The following C6orf62 variants were observed in gnomAD, a reference collection of about 807,000 sequenced individuals.
C6orf62 encodes the protein uncharacterized protein C6orf62.
In C6orf62, 16 loss-of-function variants were observed where a neutral mutation model predicts 26.8. That is an observed-to-expected ratio of 0.60 (90% CI 0.40 to 0.91). The LOEUF (loss-of-function observed/expected upper bound fraction) is 0.91. C6orf62 is among the 40% of genes least tolerant of loss of function. The pLI is 0.00. For synonymous variants in C6orf62, 112 were observed against 91.5 expected, an observed-to-expected ratio of 1.22 and a Z score of -1.28; for missense variants, 192 against 271.4, an observed-to-expected ratio of 0.71 and a Z score of 2.06.
At chr6:24,720,470 A>AG (rs1779334245), upstream of C6orf62, 1 of 954,504 alleles carries the variant, frequency 1.0e-6, no homozygotes, top group African/African-American at 1.7e-5. Context: ...GCGGCAACGG[A>AG]GGGGAAGGAC....
At chr6:24,720,282 A>AAGAGGCGGCGGCGGC (rs1779329646), upstream of C6orf62, 1 of 1,300,060 alleles carries the variant, frequency 7.7e-7, no homozygotes, top group Non-Finnish European at 9.7e-7. Context: ...GCGGCGGCGG[A>AAGAGGCGGCGGCGGC]AGAGGCGGCG....
At chr6:24,709,181 CTT>C (rs1779072333) in intron 3 of C6orf62, 2 of 978,876 alleles carry the variant, frequency 2.0e-6, no homozygotes, top group Non-Finnish European at 2.4e-6. Flanking sequence ...AGAACAATCT[CTT>C]GAGATACAGA....
chr6:24,718,423 A>C, intron 1 of C6orf62, 117 bp downstream of exon 1: 1 of 1,050,328 alleles, frequency 9.5e-7, no homozygotes, highest in Non-Finnish European at 1.4e-6. Flanking sequence ...GAGCATACAA[A>C]GCAGACTTTT....
intron 1 of C6orf62, 70 bp downstream of exon 1, chr6:24,718,467 ATTT>A: frequency 7.2e-7 from 1 of 1,394,740 alleles, no homozygotes; most frequent in Non-Finnish European, 9.9e-7. Flanking sequence ...ATTCATAATA[ATTT>A]AAGAGTAACA....
At chr6:24,709,560 T>G (rs1202456258) in intron 3 of C6orf62, 1 of 984,868 alleles carries the variant, frequency 1.0e-6, no homozygotes, top group Non-Finnish European at 1.2e-6. Context: ...GAGGGTTAAA[T>G]GAAATGTAAA....
At chr6:24,719,396 G>A (rs1175218073), upstream of C6orf62, 6 of 1,023,810 alleles carry the variant, frequency 5.9e-6, no homozygotes, top group Non-Finnish European at 7.0e-6. Flanking sequence ...AAAGGGAGAG[G>A]TACAGGGTTT....
chr6:24,709,606 T>C (rs891212163), intron 3 of C6orf62: 21 of 982,332 alleles, frequency 2.1e-5, no homozygotes, highest in Admixed American at 1.2e-4. Context: ...TCCTCATAGA[T>C]AGGCTATGTT....
chr6:24,710,480 T>C (rs1288699059), intron 3 of C6orf62: 6 of 571,966 alleles, frequency 1.0e-5, no homozygotes, highest in Non-Finnish European at 1.3e-5. Flanking sequence ...GTCAGGATGG[T>C]CTCAAACTCC....
At chr6:24,718,406 A>G (rs907356358) in intron 1 of C6orf62, 134 bp downstream of exon 1, 1 of 867,892 alleles carries the variant, frequency 1.2e-6, no homozygotes, top group Non-Finnish European at 1.7e-6. Flanking sequence ...CTAAGGGTGA[A>G]AAAACAGAGC....
intron 3 of C6orf62, chr6:24,709,285 T>C (rs1366451078): frequency 1.0e-6 from 1 of 985,234 alleles, no homozygotes; most frequent in Non-Finnish European, 1.2e-6. Context: ...GACTAAATCC[T>C]AGTACTCCAC....
At position 24,706,077 on chromosome 6, in the gene C6orf62, A is replaced by G; in HGVS notation, c.*60T>C. 15 of 1,592,484 alleles carry G rather than the reference A, an allele frequency of 9.4e-6. No homozygotes were observed. The highest frequency in any genetic ancestry group is 1.3e-5 in the African/African-American group (1 of 74,294). On this transcript the variant is annotated 3_prime_UTR_variant, in exon 5 of 5. Transcript: ENST00000378119. ...ACTCTGAAAGAATAAAGTGGTAAGA[A>G]AACAAGAAAAAAAACTGCTGCTGCA...
chr6:24,719,556 A>G, upstream of C6orf62: 1 of 1,213,406 alleles, frequency 8.2e-7, no homozygotes, highest in Non-Finnish European at 1.0e-6. Context: ...GAGAATCATG[A>G]CGGCAGAAGG....
At position 24,710,369 on chromosome 6, in the gene C6orf62, G is replaced by A. The variant is rs184533868; in HGVS notation, c.430-1458C>T. The stretch of plus-strand genomic sequence containing the variant: ...CAACCTCCGCCTCCTGGGTTCAAGC[G>A]ATTCTTCTGCCTCAGCCTCCCAAGT... On this transcript the variant is annotated intron_variant, in intron 3 of 4. Coordinates refer to ENST00000378119, the MANE Select transcript of C6orf62 (RefSeq NM_030939.5). 52 of 477,678 alleles carry A rather than the reference G, an allele frequency of 1.1e-4. 1 individual carries two copies. The highest frequency in any genetic ancestry group is 7.7e-4 in the Admixed American group (12 of 15,556). 29.6% of individuals were successfully genotyped at this position (477,678 alleles called of 1,614,324 possible). A position where few individuals can be genotyped will look rare whatever the true frequency, so the allele number is the denominator to read the frequency against.
At chr6:24,719,649 C>G, upstream of C6orf62, 3 of 1,444,694 alleles carry the variant, frequency 2.1e-6, no homozygotes, top group South Asian at 1.5e-5. Flanking sequence ...CACCCCCAGC[C>G]TGCAACTAGT....
At chr6:24,714,662 C>G (rs910414092) in intron 2 of C6orf62, among the ~76,000 whole-genome samples, 1 of 152,186 alleles carries the variant, frequency 6.6e-6, no homozygotes, top group Non-Finnish European at 1.5e-5. Context: ...GTGGCCCACA[C>G]TGGAGTGCAA....
intron 3 of C6orf62, chr6:24,710,014 T>A: frequency 1.0e-6 from 1 of 984,762 alleles, no homozygotes; most frequent in African/African-American, 1.7e-5. Flanking sequence ...ACATAAAATA[T>A]GATACAGCAT....
At chr6:24,713,425 T>G (rs1224422579) in intron 3 of C6orf62, among the ~76,000 whole-genome samples, 1 of 152,160 alleles carries the variant, frequency 6.6e-6, no homozygotes, top group East Asian at 1.9e-4. Context: ...ATTTATACAG[T>G]CTGTGAAAAA....
At chr6:24,716,360 G>A (rs1232006941) in intron 1 of C6orf62, 36 bp from the exon 2 acceptor site, 2 of 1,500,624 alleles carry the variant, frequency 1.3e-6, no homozygotes, top group Non-Finnish European at 1.8e-6. Flanking sequence ...AACCCACAGG[G>A]AGCACAGCCT....
chr6:24,712,463 G>T (rs1314065043), intron 3 of C6orf62, among the ~76,000 whole-genome samples: 2 of 151,992 alleles, frequency 1.3e-5, no homozygotes, highest in Non-Finnish European at 2.9e-5. Flanking sequence ...GAGGTCAAGA[G>T]ATCGAGACCA....
Sources: gnomAD v4.1 joint callset for allele counts (sites outside exome capture counted in the v4.1 genomes callset) on GRCh38, gnomAD v4.1.1 for gene constraint, MANE v1.5 for transcripts, NCBI Gene and HGNC (gene_info 2026-07-23, HGNC 2026-07-21) for gene names.